The following ANKS1B variants were observed in gnomAD, a reference collection of about 807,000 sequenced individuals.
ANKS1B encodes the protein ankyrin repeat and sterile alpha motif domain-containing protein 1B.
Under a neutral mutation model 148.3 loss-of-function variants are expected in ANKS1B, and 36 were observed. The observed-to-expected ratio is 0.24, with a 90% confidence interval of 0.19 to 0.32. The LOEUF is 0.32. ANKS1B is among the 10% of genes least tolerant of loss of function. The pLI, the probability that ANKS1B is intolerant of heterozygous loss-of-function variation, is 1.00. For missense variants in ANKS1B, 1,157 were observed against 1,542.6 expected (o/e 0.75, Z 4.19); for synonymous variants, 542 against 560.8 (o/e 0.97, Z 0.47).
intron 10 of ANKS1B, among the ~76,000 whole-genome samples, chr12:99,460,597 G>T (rs1459821980): frequency 6.6e-6 from 1 of 151,874 alleles, no homozygotes. Flanking sequence ...GACATGAATA[G>T]ACAGTTACCA....
At chr12:99,191,405 C>A (rs2080683001) in intron 14 of ANKS1B, among the ~76,000 whole-genome samples, 1 of 152,142 alleles carries the variant, frequency 6.6e-6, no homozygotes, top group Non-Finnish European at 1.5e-5. Context: ...CGTGTGTTTA[C>A]TGCGACACTG....
At chr12:99,564,645 C>T (rs933826870) in intron 9 of ANKS1B, among the ~76,000 whole-genome samples, 8 of 152,036 alleles carry the variant, frequency 5.3e-5, no homozygotes, top group African/African-American at 1.7e-4. Context: ...CTAATAATGA[C>T]ACATTTTGCT....
intron 17 of ANKS1B, among the ~76,000 whole-genome samples, chr12:98,870,045 T>C (rs1158432622): frequency 6.6e-6 from 1 of 152,212 alleles, no homozygotes. Flanking sequence ...AGCTCTGGCA[T>C]GGCCACTAGC....
chr12:99,648,923 T>A (rs1266267164), intron 9 of ANKS1B: 2 of 1,251,810 alleles, frequency 1.6e-6, no homozygotes, highest in Non-Finnish European at 2.2e-6. Flanking sequence ...CAAATGAGCT[T>A]CCATTTGGAG....
At position 99,380,832 on chromosome 12, in the gene ANKS1B, G is replaced by A. The variant is rs187787821; in HGVS notation, c.1756+18799C>T. Among the ~76,000 whole-genome samples the A allele has an allele frequency of 1.9e-4, 28 of 149,724 alleles. No homozygotes were observed. The East Asian group carries it at 3.3e-3, about 18-fold the overall frequency. On this transcript the variant is annotated intron_variant, in intron 12 of 26. Coordinates refer to ENST00000683438, the MANE Select transcript of ANKS1B (RefSeq NM_001352186.2). ...CATGCTCCACAACAAACATTTGTTA[G>A]GCAACAGTTCATTTACTAACACCAT...
chr12:99,434,528 ATTT>A (rs917891402), intron 11 of ANKS1B, among the ~76,000 whole-genome samples: 2 of 152,034 alleles, frequency 1.3e-5, no homozygotes, highest in African/African-American at 2.4e-5. Context: ...CCTTGAACAT[ATTT>A]TTATTTATTT....
intron 17 of ANKS1B, among the ~76,000 whole-genome samples, chr12:98,966,846 A>G (rs2099878400): frequency 7.6e-6 from 1 of 131,514 alleles, no homozygotes; most frequent in African/African-American, 2.9e-5. Context: ...CAATGAAAAC[A>G]CTTGGACACA....
At chr12:99,741,980 C>T (rs1044827414) in intron 8 of ANKS1B, among the ~76,000 whole-genome samples, 1 of 151,968 alleles carries the variant, frequency 6.6e-6, no homozygotes, top group Non-Finnish European at 1.5e-5. Context: ...AGGCCATTAT[C>T]CTTAGCAAAG....
intron 11 of ANKS1B, among the ~76,000 whole-genome samples, chr12:99,434,059 A>G (rs2095421238): frequency 6.6e-6 from 1 of 152,158 alleles, no homozygotes; most frequent in Non-Finnish European, 1.5e-5. Context: ...TTTCACAGCT[A>G]AATTCCAGAA....
chr12:99,108,071 T>G (rs1339045762), intron 15 of ANKS1B, among the ~76,000 whole-genome samples: 1 of 152,198 alleles, frequency 6.6e-6, no homozygotes, highest in Non-Finnish European at 1.5e-5. Flanking sequence ...GATGTGAGGC[T>G]CAAATGACCT....
At chr12:99,803,056 T>C (rs1275638492) in intron 4 of ANKS1B, among the ~76,000 whole-genome samples, 2 of 152,180 alleles carry the variant, frequency 1.3e-5, no homozygotes, top group African/African-American at 4.8e-5. Flanking sequence ...ATACTATAAT[T>C]TACCAAATGG....
At chr12:99,805,287 A>AAAAAAAAAAAAAC (rs2067490965) in intron 4 of ANKS1B, among the ~76,000 whole-genome samples, 2 of 149,090 alleles carry the variant, frequency 1.3e-5, no homozygotes, top group African/African-American at 2.5e-5. Flanking sequence ...AAAAAAAAAA[A>AAAAAAAAAAAAAC]AGACTAACCC....
At chr12:98,873,681 G>A (rs1416426004) in intron 17 of ANKS1B, among the ~76,000 whole-genome samples, 1 of 152,120 alleles carries the variant, frequency 6.6e-6, no homozygotes, top group African/African-American at 2.4e-5. Context: ...CGGCCCTAGA[G>A]CATCCAACCT....
chr12:98,910,397 A>G (rs1210894818), intron 17 of ANKS1B, among the ~76,000 whole-genome samples: 1 of 152,196 alleles, frequency 6.6e-6, no homozygotes, highest in East Asian at 1.9e-4. Context: ...ACAAGGGAAG[A>G]AAATAGGACA....
intron 12 of ANKS1B, among the ~76,000 whole-genome samples, chr12:99,328,904 C>T (rs1300432399): frequency 6.6e-6 from 1 of 151,802 alleles, no homozygotes; most frequent in Non-Finnish European, 1.5e-5. Flanking sequence ...TATAAAAAGA[C>T]TGAAAAAACT....
chr12:99,409,456 A>AGAGT lies in ANKS1B; in HGVS notation c.1576-9649_1576-9646dup, dbSNP rs567544119. Among the ~76,000 whole-genome samples the AGAGT allele has an allele frequency of 2.0e-5, 3 of 152,150 alleles. No homozygotes were observed. The South Asian group carries it at 6.2e-4, about 32-fold the overall frequency. On this transcript the variant is annotated intron_variant, in intron 11 of 26. Coordinates refer to ENST00000683438, the MANE Select transcript of ANKS1B (RefSeq NM_001352186.2). ...TATTTGATAGCACAATATTATGACT[A>AGAGT]GAGTCAGCAATAATTTATTGTACCT... is the stretch of plus-strand genomic sequence containing the variant.
intron 1 of ANKS1B, among the ~76,000 whole-genome samples, chr12:99,960,408 C>A (rs1194297689): frequency 6.6e-6 from 1 of 152,210 alleles, no homozygotes; most frequent in African/African-American, 2.4e-5. Flanking sequence ...TCTCTCTTAA[C>A]CTTCCTTTCC....
intron 14 of ANKS1B, among the ~76,000 whole-genome samples, chr12:99,186,648 C>A (rs188253262): frequency 2.0e-5 from 3 of 152,070 alleles, no homozygotes; most frequent in Non-Finnish European, 4.4e-5. Flanking sequence ...AGCAGAGGGG[C>A]CTGACTGTTA....
intron 15 of ANKS1B, among the ~76,000 whole-genome samples, chr12:99,150,850 G>C (rs895186613): frequency 1.3e-5 from 2 of 151,948 alleles, no homozygotes; most frequent in Admixed American, 6.6e-5. Context: ...TTGCCAAGCA[G>C]GAGGGAGGTG....
Sources: gnomAD v4.1 joint callset for allele counts (sites outside exome capture counted in the v4.1 genomes callset) on GRCh38, gnomAD v4.1.1 for gene constraint, MANE v1.5 for transcripts, NCBI Gene and HGNC (gene_info 2026-07-23, HGNC 2026-07-21) for gene names.